IGSF11: variants seen among roughly 807,000 people sequenced by gnomAD.
The protein encoded by IGSF11 is CXADR like 1.
A neutral mutation model predicts 41.0 loss-of-function variants in IGSF11; 22 were observed. The ratio of observed to expected loss-of-function variants is 0.54; its 90% CI spans 0.38 to 0.77. IGSF11 has a LOEUF of 0.77. Ranked by LOEUF, IGSF11 falls within the 30% of genes least tolerant of loss-of-function variation. The pLI, the probability that IGSF11 is intolerant of heterozygous loss-of-function variation, is 0.00. For synonymous variants in IGSF11, 219 were observed against 201.3 expected (o/e 1.09, Z -0.74); for missense variants, 444 against 530.8 (o/e 0.84, Z 1.61).
At chr3:119,109,291 T>G (rs1359482749), upstream of IGSF11, among the ~76,000 whole-genome samples, 4 of 151,324 alleles carry the variant, frequency 2.6e-5, no homozygotes, top group Non-Finnish European at 4.4e-5. Context: ...TATTCAGAGA[T>G]TCAACTTCTT....
intron 1 of IGSF11, among the ~76,000 whole-genome samples, chr3:118,993,516 G>A (rs1935983444): frequency 6.6e-6 from 1 of 152,046 alleles, no homozygotes; most frequent in Non-Finnish European, 1.5e-5. Flanking sequence ...ATATATGCAA[G>A]ATAAATAAAA....
intron 1 of IGSF11, among the ~76,000 whole-genome samples, chr3:119,006,081 C>T (rs1937472399): frequency 8.8e-6 from 1 of 113,906 alleles, no homozygotes; most frequent in Admixed American, 9.0e-5. Flanking sequence ...TTCCATTCTC[C>T]GCATCACTTT....
intron 1 of IGSF11, among the ~76,000 whole-genome samples, chr3:118,934,446 T>C (rs1050711544): frequency 9.2e-5 from 14 of 152,220 alleles, no homozygotes; most frequent in African/African-American, 3.4e-4. Context: ...GGATACTGAA[T>C]GTTGGTATTT....
At chr3:119,121,573 C>T (rs947708532) in intron 1 of IGSF11, among the ~76,000 whole-genome samples, 2 of 151,842 alleles carry the variant, frequency 1.3e-5, no homozygotes, top group Admixed American at 6.6e-5. Flanking sequence ...CAGAGATATA[C>T]AAGAAACTAC....
At chr3:119,074,444 C>T (rs1313565713) in intron 1 of IGSF11, among the ~76,000 whole-genome samples, 9 of 151,888 alleles carry the variant, frequency 5.9e-5, no homozygotes, top group Admixed American at 1.3e-4. Flanking sequence ...ATGCAGAAAT[C>T]AACAAATTCT....
chr3:119,137,375 T>C (rs1352734800), intron 1 of IGSF11, among the ~76,000 whole-genome samples: 1 of 152,112 alleles, frequency 6.6e-6, no homozygotes, highest in African/African-American at 2.4e-5. Flanking sequence ...AACAGACACA[T>C]AGACCAGAGG....
At chr3:118,942,751 G>A (rs561904374) in intron 1 of IGSF11, among the ~76,000 whole-genome samples, 1 of 152,176 alleles carries the variant, frequency 6.6e-6, no homozygotes, top group Non-Finnish European at 1.5e-5. Context: ...TTGTCAAGTT[G>A]TCTGTGTATT....
intron 1 of IGSF11, among the ~76,000 whole-genome samples, chr3:119,140,916 T>C (rs2077638204): frequency 1.3e-5 from 2 of 151,490 alleles, no homozygotes; most frequent in African/African-American, 4.9e-5. Context: ...TGGTGGCACA[T>C]GCCTGTAATT....
chr3:119,063,272 C>A (rs887941205), intron 1 of IGSF11, among the ~76,000 whole-genome samples: 1 of 152,162 alleles, frequency 6.6e-6, no homozygotes, highest in Non-Finnish European at 1.5e-5. Context: ...TCAAAGAAAG[C>A]TGGAAAGAAT....
chr3:118,916,103 G>C (rs1941049574), intron 4 of IGSF11, among the ~76,000 whole-genome samples: 1 of 149,774 alleles, frequency 6.7e-6, no homozygotes, highest in South Asian at 2.2e-4. Flanking sequence ...GCTCCTGAAG[G>C]AAGCGCTAAA....
chr3:119,101,407 G>C (rs951756556), intron 1 of IGSF11, among the ~76,000 whole-genome samples: 1 of 152,110 alleles, frequency 6.6e-6, no homozygotes, highest in African/African-American at 2.4e-5. Flanking sequence ...TACTAGGGAG[G>C]CTGAGGCAGG....
intron 1 of IGSF11, among the ~76,000 whole-genome samples, chr3:119,008,176 C>CA (rs199828235): frequency 3.9e-4 from 59 of 151,536 alleles, no homozygotes; most frequent in African/African-American, 1.1e-3. Context: ...ACAACAACAA[C>CA]AAAAAAAACG....
intron 1 of IGSF11, among the ~76,000 whole-genome samples, chr3:119,017,272 T>A (rs1297423450): frequency 6.6e-6 from 1 of 152,180 alleles, no homozygotes; most frequent in Non-Finnish European, 1.5e-5. Flanking sequence ...TACACAAAAC[T>A]AGATGGTATA....
intron 1 of IGSF11, among the ~76,000 whole-genome samples, chr3:119,049,246 A>C (rs1487066763): frequency 6.6e-6 from 1 of 150,994 alleles, no homozygotes; most frequent in Non-Finnish European, 1.5e-5. Flanking sequence ...TATCTAGAAA[A>C]CCCCATTGTC....
intron 4 of IGSF11, among the ~76,000 whole-genome samples, chr3:118,914,218 G>C (rs1042104446): frequency 6.6e-6 from 1 of 152,158 alleles, no homozygotes; most frequent in Admixed American, 6.5e-5. Context: ...GGGGCATAAA[G>C]AAAAAAGCTT....
chr3:119,032,592 A>T (rs974060725), intron 1 of IGSF11, among the ~76,000 whole-genome samples: 6 of 152,192 alleles, frequency 3.9e-5, no homozygotes. Context: ...TTTCAAGAGT[A>T]TACCCCTGCC....
intron 4 of IGSF11, among the ~76,000 whole-genome samples, chr3:118,915,353 T>G (rs1450239248): frequency 2.4e-5 from 2 of 81,678 alleles, no homozygotes; most frequent in East Asian, 6.9e-4. Flanking sequence ...AGTTGAAAAC[T>G]TTGAAAAAAA....
intron 1 of IGSF11, among the ~76,000 whole-genome samples, chr3:119,113,828 C>A (rs910248154): frequency 6.6e-6 from 1 of 152,250 alleles, no homozygotes; most frequent in Non-Finnish European, 1.5e-5. Context: ...GCCCCTGCAG[C>A]AGACTTCTGT....
At chr3:119,003,801 C>A (rs1410099661) in intron 1 of IGSF11, among the ~76,000 whole-genome samples, 2 of 151,282 alleles carry the variant, frequency 1.3e-5, no homozygotes, top group African/African-American at 2.4e-5. Context: ...CCTTGCATCC[C>A]AGGGATGAAG....
Sources: gnomAD v4.1 joint callset for allele counts (sites outside exome capture counted in the v4.1 genomes callset) on GRCh38, gnomAD v4.1.1 for gene constraint, MANE v1.5 for transcripts, NCBI Gene and HGNC (gene_info 2026-07-23, HGNC 2026-07-21) for gene names.